The following BNIP2 variants were observed in gnomAD, a reference collection of about 807,000 sequenced individuals.
BNIP2 encodes BCL2/adenovirus E1B 19 kDa protein-interacting protein 2.
In BNIP2, 36 loss-of-function variants were observed where a neutral mutation model predicts 43.4. That is an observed-to-expected ratio of 0.83 (90% CI 0.64 to 1.10). The LOEUF (loss-of-function observed/expected upper bound fraction) is 1.10. Ranked by LOEUF, BNIP2 falls within the 50% of genes least tolerant of loss-of-function variation. The pLI, the probability that BNIP2 is intolerant of heterozygous loss-of-function variation, is 0.00. For missense variants in BNIP2, 417 were observed against 374.1 expected, an observed-to-expected ratio of 1.11 and a Z score of -0.95; for synonymous variants, 146 against 121.0, an observed-to-expected ratio of 1.21 and a Z score of -1.35.
At chr15:59,678,547 T>A in intron 4 of BNIP2, 1 of 1,079,898 alleles carries the variant, frequency 9.3e-7, no homozygotes, top group Non-Finnish European at 1.1e-6. Flanking sequence ...AACTACTCAA[T>A]GATCACTTCT....
intron 5 of BNIP2, among the ~76,000 whole-genome samples, chr15:59,673,187 C>T (rs1002701939): frequency 9.9e-5 from 15 of 150,862 alleles, no homozygotes; most frequent in East Asian, 5.8e-4. Context: ...GGCACAATCT[C>T]GGCTCACTGC....
chr15:59,679,416 G>A (rs1002181), intron 4 of BNIP2, 176 bp downstream of exon 4: 1 of 578,020 alleles, frequency 1.7e-6, no homozygotes, highest in Non-Finnish European at 2.7e-6. Context: ...AATAAGAGGG[G>A]AAAAAAGCCA....
At position 59,668,674 on chromosome 15, in the gene BNIP2, C is replaced by T. The variant is rs2141991185; in HGVS notation, c.893+218G>A. The T allele has an allele frequency of 8.6e-6, 4 of 466,810 alleles. No homozygotes were observed. In the Middle Eastern group the frequency reaches 1.7e-3, roughly 198 times the overall value. 28.9% of individuals were successfully genotyped at this position (466,810 alleles called of 1,614,324 possible). On this transcript the variant is annotated intron_variant, in intron 9 of 9. Coordinates refer to ENST00000607373, the MANE Select transcript of BNIP2 (RefSeq NM_004330.4). Reference sequence around the variant, plus strand: ...GAATCACAACCGGAAATAATTTATCCTAGTTCTTCAACTGACAGCCTGAAG... The same window carrying T: ...GAATCACAACCGGAAATAATTTATCTTAGTTCTTCAACTGACAGCCTGAAG...
intron 5 of BNIP2, among the ~76,000 whole-genome samples, chr15:59,673,973 C>T (rs1893098260): frequency 6.6e-6 from 1 of 151,580 alleles, no homozygotes; most frequent in African/African-American, 2.4e-5. Flanking sequence ...ACCTGTAGTC[C>T]CAGCTACTCA....
chr15:59,677,003 G>A, intron 5 of BNIP2: 1 of 1,613,222 alleles, frequency 6.2e-7, no homozygotes, highest in South Asian at 1.1e-5. Context: ...TCTCCATTTT[G>A]TGAAGATTGA....
intron 6 of BNIP2, among the ~76,000 whole-genome samples, chr15:59,671,932 A>C (rs1892956704): frequency 6.6e-6 from 1 of 152,130 alleles, no homozygotes; most frequent in Non-Finnish European, 1.5e-5. Flanking sequence ...AGAAGTCAGC[A>C]GGATGTGGTG....
rs1892122527 is a variant in BNIP2, at chr15:59,659,237, A to C, written c.*4832T>G. ...CACAAGTTATATTCCTAACAGGTCA[A>C]AGAAAATATTACATCTCCTTAGTAA... On this transcript the variant is annotated 3_prime_UTR_variant, in exon 10 of 10. Transcript: ENST00000607373. 6.6e-6 allele frequency: 1 copy of C among 152,236 alleles called. No individual in the cohort carries two copies. Among genetic ancestry groups the C allele is most frequent in the African/African-American group, 2.4e-5 (1 of 41,454 alleles). 9.4% of individuals were successfully genotyped at this position (152,236 alleles called of 1,614,324 possible).
At chr15:59,666,604 T>C (rs1055591759) in intron 9 of BNIP2, among the ~76,000 whole-genome samples, 8 of 152,100 alleles carry the variant, frequency 5.3e-5, no homozygotes, top group African/African-American at 9.7e-5. Context: ...GAGGCAGAGA[T>C]TGCAGTTAGC....
Position 59,682,403 on chromosome 15 carries a change from C to T in BNIP2, c.50+5G>A. The T allele has an allele frequency of 2.5e-6, 4 of 1,608,048 alleles. No homozygotes were observed. The highest frequency in any genetic ancestry group is 1.1e-5 in the South Asian group (1 of 90,316). ...AAATTGTTTTCTTTTAAAAGCATTG[C>T]TCACATCGGAAAATCTTCATCTTGC... is the stretch of plus-strand genomic sequence containing the variant. On this transcript the variant is annotated splice_donor_5th_base_variant and intron_variant, in intron 2 of 9. Coordinates refer to ENST00000607373, the MANE Select transcript of BNIP2 (RefSeq NM_004330.4).
In BNIP2 at chr15:59,669,900, T is replaced by C. The variant is rs1011514545; in HGVS notation, c.708-538A>G. Reference sequence around the variant, plus strand: ...TTAAATGACTAAATACTCTTTGTATTATGCATATTTCACACATAAAGTGAG... The same window carrying C: ...TTAAATGACTAAATACTCTTTGTATCATGCATATTTCACACATAAAGTGAG... On this transcript the variant is annotated intron_variant, in intron 7 of 9. Transcript: ENST00000607373. Among the ~76,000 whole-genome samples the C allele has an allele frequency of 3.3e-5, 5 of 152,348 alleles. No individual in the cohort carries two copies. The East Asian group carries it at 9.6e-4, about 29-fold the overall frequency.
At chr15:59,678,809 A>G (rs776407205) in intron 4 of BNIP2, 16 of 1,303,282 alleles carry the variant, frequency 1.2e-5, no homozygotes, top group African/African-American at 1.5e-5. Flanking sequence ...AAAGCTGTTA[A>G]CGGAAAATAT....
intron 6 of BNIP2, among the ~76,000 whole-genome samples, chr15:59,671,954 C>T (rs761759685): frequency 6.6e-6 from 1 of 152,120 alleles, no homozygotes; most frequent in African/African-American, 2.4e-5. Flanking sequence ...CATGTGCCTG[C>T]AGTCCCAGCC....
At chr15:59,668,832 A>T in intron 9 of BNIP2, 60 bp downstream of exon 9, 1 of 1,366,342 alleles carries the variant, frequency 7.3e-7, no homozygotes, top group Non-Finnish European at 1.0e-6. Flanking sequence ...GAAAAGTATT[A>T]TCCATTGCAC....
Position 59,682,491 on chromosome 15 carries a change from T to C in BNIP2, c.-34A>G, listed in dbSNP as rs1566978934. The C allele has an allele frequency of 1.9e-6, 3 of 1,613,146 alleles. No individual in the cohort carries two copies. The highest frequency in any genetic ancestry group is 1.7e-6 in the Non-Finnish European group (2 of 1,179,594). On this transcript the variant is annotated 5_prime_UTR_variant, in exon 2 of 10. Transcript: ENST00000607373. ...TGGATTCAATGTCAACTACAAACTC[T>C]TGATAATCCAGGGAGCCAATGTCCT...
In BNIP2 at chr15:59,679,742, C is replaced by A. The variant is rs1245789768; in HGVS notation, c.145G>T (p.Val49Leu). The A allele has an allele frequency of 6.4e-7, 1 of 1,553,136 alleles. No individual in the cohort carries two copies. Among genetic ancestry groups the A allele is most frequent in the Non-Finnish European group, 8.6e-7 (1 of 1,157,030 alleles). Residue 49 changes from valine (V) to leucine (L), a missense_variant, in exon 4 of 10, where the codon GTG becomes TTG. By Grantham distance (32) the Val-to-Leu change is conservative. Transcript: ENST00000607373. Reference sequence around the variant, plus strand: ...TCTGGAGCCATTAGTTTCTTTCTCACTTTATTTCCATTAACTTCTAGTGAG... The same window carrying A: ...TCTGGAGCCATTAGTTTCTTTCTCAATTTATTTCCATTAACTTCTAGTGAG... ...PGSLEVNGNK[V>L]RKKLMAPDIS...
chr15:59,669,961 A>C (rs1339838031), intron 7 of BNIP2, among the ~76,000 whole-genome samples: 1 of 152,248 alleles, frequency 6.6e-6, no homozygotes, highest in Non-Finnish European at 1.5e-5. Context: ...CCAATGTCAA[A>C]TTTAGATGTG....
At chr15:59,677,259 G>C (rs1429672885) in intron 5 of BNIP2, 1 of 1,596,778 alleles carries the variant, frequency 6.3e-7, no homozygotes, top group South Asian at 1.1e-5. Context: ...CTGCTTGACT[G>C]AAGTATACAG....
chr15:59,677,856 A>G, intron 5 of BNIP2, 55 bp downstream of exon 5: 3 of 1,547,038 alleles, frequency 1.9e-6, no homozygotes, highest in Non-Finnish European at 2.6e-6. Context: ...CTTCCAAAAA[A>G]AAAAGAATTC....
In BNIP2 at chr15:59,669,366, G is replaced by A. The variant is rs766132553; in HGVS notation, c.708-4C>T. The A allele has an allele frequency of 2.0e-6, 3 of 1,478,466 alleles. No individual in the cohort carries two copies. Among genetic ancestry groups the A allele is most frequent in the African/African-American group, 1.4e-5 (1 of 69,032 alleles). 91.6% of individuals were successfully genotyped at this position (1,478,466 alleles called of 1,614,324 possible). On this transcript the variant is annotated splice_region_variant and splice_polypyrimidine_tract_variant and intron_variant, in intron 7 of 9. Coordinates refer to ENST00000607373, the MANE Select transcript of BNIP2 (RefSeq NM_004330.4). ...GGATTTTAGATTTTTCCGTAACCTGGAGTTTAAAAAAAAAACACACACACA... is the reference window on the plus strand; with the variant it reads ...GGATTTTAGATTTTTCCGTAACCTGAAGTTTAAAAAAAAAACACACACACA...
Sources: gnomAD v4.1 joint callset for allele counts (sites outside exome capture counted in the v4.1 genomes callset) on GRCh38, gnomAD v4.1.1 for gene constraint, MANE v1.5 for transcripts, NCBI Gene and HGNC (gene_info 2026-07-23, HGNC 2026-07-21) for gene names.